Variants in NFILZ observed in about 807,000 individuals in gnomAD.
NFILZ encodes NFIL3 like protein.
chr19:8,665,027 C>G (rs183395653), intron 3 of NFILZ, among the ~76,000 whole-genome samples: 2 of 152,246 alleles, frequency 1.3e-5, no homozygotes. Context: ...CTTTCTGGAC[C>G]ACACGGAGCA....
At chr19:8,651,269 C>G (rs10405492) in intron 3 of NFILZ, among the ~76,000 whole-genome samples, 2,549 of 151,910 alleles carry the variant, frequency 0.017, 70 homozygotes, top group African/African-American at 0.059. Context: ...TCAAGCGATT[C>G]TCCTGCCTCA....
chr19:8,636,067 C>A (rs2042892869), intron 3 of NFILZ, among the ~76,000 whole-genome samples: 1 of 152,026 alleles, frequency 6.6e-6, no homozygotes, highest in Non-Finnish European at 1.5e-5. Flanking sequence ...GAACTCCTGG[C>A]CTCAAGTGTT....
chr19:8,650,293 T>C (rs2042959498), intron 3 of NFILZ, among the ~76,000 whole-genome samples: 1 of 152,046 alleles, frequency 6.6e-6, no homozygotes, highest in African/African-American at 2.4e-5. Context: ...AGATCTTACA[T>C]GACCACAGTC....
chr19:8,637,912 C>CAA (rs35778716), intron 3 of NFILZ, among the ~76,000 whole-genome samples: 241 of 20,248 alleles, frequency 0.012, 10 homozygotes, highest in South Asian at 0.038. Flanking sequence ...AAGATGGTCT[C>CAA]AAAAAAAAAA....
At chr19:8,663,890 T>C (rs1555749490) in intron 3 of NFILZ, among the ~76,000 whole-genome samples, 1 of 151,688 alleles carries the variant, frequency 6.6e-6, no homozygotes, top group African/African-American at 2.4e-5. Context: ...GGCGTTTTAG[T>C]GGGAGCTGGG....
At chr19:8,676,620 G>T (rs2043111297) in intron 5 of NFILZ, among the ~76,000 whole-genome samples, 131 bp from the exon 6 acceptor site, 1 of 152,146 alleles carries the variant, frequency 6.6e-6, no homozygotes, top group African/African-American at 2.4e-5. Flanking sequence ...ATCGAACCTT[G>T]GTCTCCAGCT....
intron 3 of NFILZ, among the ~76,000 whole-genome samples, chr19:8,659,067 A>G (rs1481966884): frequency 1.3e-5 from 2 of 152,038 alleles, no homozygotes; most frequent in African/African-American, 4.8e-5. Flanking sequence ...CCAACATGGT[A>G]AAACCCTGTC....
chr19:8,631,279 A>G (rs1555745487), intron 1 of NFILZ, among the ~76,000 whole-genome samples: 1 of 152,040 alleles, frequency 6.6e-6, no homozygotes, highest in African/African-American at 2.4e-5. Context: ...ACTGAGAACA[A>G]GGCTGGCACC....
chr19:8,648,497 T>G (rs1192440332), intron 3 of NFILZ, among the ~76,000 whole-genome samples: 1 of 151,996 alleles, frequency 6.6e-6, no homozygotes, highest in Non-Finnish European at 1.5e-5. Flanking sequence ...TGGTTAGTTT[T>G]ACATTATGTA....
At chr19:8,653,001 TTCCTTCCTTC>T (rs1600145532) in intron 3 of NFILZ, among the ~76,000 whole-genome samples, 424 of 22,830 alleles carry the variant, frequency 0.019, no homozygotes, top group East Asian at 0.053. Context: ...CCTTCCTTCC[TTCCTTCCTTC>T]CTTTCTTTCT....
intron 3 of NFILZ, among the ~76,000 whole-genome samples, chr19:8,660,165 C>T (rs2043023078): frequency 6.6e-6 from 1 of 152,186 alleles, no homozygotes. Flanking sequence ...GCACCAAACC[C>T]ACCTGTGACT....
chr19:8,669,287 G>T (rs1039114000), intron 3 of NFILZ, among the ~76,000 whole-genome samples: 1 of 152,032 alleles, frequency 6.6e-6, no homozygotes, highest in Admixed American at 6.6e-5. Context: ...TAGCTATGTG[G>T]GTTATTTATT....
At chr19:8,647,960 CAGG>C (rs1334218004) in intron 3 of NFILZ, among the ~76,000 whole-genome samples, 7 of 151,610 alleles carry the variant, frequency 4.6e-5, no homozygotes, top group Non-Finnish European at 7.4e-5. Flanking sequence ...ATCACGAGAT[CAGG>C]AGATCAAGAC....
chr19:8,656,406 TCTCTGAAACCCACCTCTTTCC>T, intron 3 of NFILZ, among the ~76,000 whole-genome samples: 3 of 95,360 alleles, frequency 3.1e-5, no homozygotes, highest in Admixed American at 2.2e-4. Flanking sequence ...GCCCACCTTC[TCTCTGAAACCCACCTCTTTCC>T]GCAGCCCACC....
chr19:8,654,633 A>G (rs2042984107), intron 3 of NFILZ, among the ~76,000 whole-genome samples: 1 of 152,174 alleles, frequency 6.6e-6, no homozygotes, highest in Non-Finnish European at 1.5e-5. Context: ...ATATTTATTA[A>G]AAAATAGAAT....
intron 3 of NFILZ, among the ~76,000 whole-genome samples, chr19:8,642,527 T>C (rs10404710): frequency 0.35 from 53,081 of 151,906 alleles, 9,512 homozygotes; most frequent in East Asian, 0.5. Context: ...CTTGGGCCCA[T>C]GCATGTGGCT....
At chr19:8,660,226 A>G (rs1037008570) in intron 3 of NFILZ, among the ~76,000 whole-genome samples, 2 of 152,186 alleles carry the variant, frequency 1.3e-5, no homozygotes, top group Admixed American at 1.3e-4. Flanking sequence ...CTCCGGGGGA[A>G]AAAGAGATGT....
intron 3 of NFILZ, among the ~76,000 whole-genome samples, chr19:8,653,056 C>T (rs1308037123): frequency 0.014 from 1,660 of 118,120 alleles, 24 homozygotes; most frequent in South Asian, 0.033. Flanking sequence ...CTCTCTCTCT[C>T]TCTCTCTCTC....
intron 3 of NFILZ, among the ~76,000 whole-genome samples, chr19:8,659,310 G>C (rs1389470593): frequency 6.6e-6 from 1 of 152,082 alleles, no homozygotes; most frequent in Non-Finnish European, 1.5e-5. Flanking sequence ...ACAGATACCT[G>C]TAAAATCGCA....
Sources: allele counts gnomAD v4.1 joint callset (sites outside exome capture counted in the v4.1 genomes callset), GRCh38; gene constraint gnomAD v4.1.1; transcripts MANE v1.5; gene names NCBI Gene and HGNC (gene_info 2026-07-23, HGNC 2026-07-21).